The following FNDC3A variants were observed in gnomAD, a reference collection of about 807,000 sequenced individuals.
FNDC3A encodes the protein fibronectin type-III domain-containing protein 3A.
A neutral mutation model predicts 148.9 loss-of-function variants in FNDC3A; 32 were observed. That is an observed-to-expected ratio of 0.21 (90% CI 0.16 to 0.29). The LOEUF is 0.29. FNDC3A is among the 10% of genes least tolerant of loss of function. FNDC3A has a pLI of 1.00. For synonymous variants in FNDC3A, 472 were observed against 473.6 expected, an observed-to-expected ratio of 1.00 and a Z score of 0.04; for missense variants, 1,191 against 1,452.8, an observed-to-expected ratio of 0.82 and a Z score of 2.93.
In FNDC3A at chr13:49,202,532, A is replaced by T. The variant is rs138530721; in HGVS notation, c.3154+566A>T. 7.8e-3 allele frequency among the ~76,000 whole-genome samples: 1,192 copies of T among 152,322 alleles called. 19 individuals carry two copies. The highest frequency in any genetic ancestry group is 0.027 in the African/African-American group (1,130 of 41,572). ...TTTAGCTGAAAAGTCTATAAAGTTA[A>T]TTGCTCTGAAGACTAATCACAGAGA... On this transcript the variant is annotated intron_variant, in intron 24 of 25. Transcript: ENST00000492622.
At chr13:49,013,154 C>T (rs1006915793) in intron 2 of FNDC3A, among the ~76,000 whole-genome samples, 1 of 151,906 alleles carries the variant, frequency 6.6e-6, no homozygotes, top group African/African-American at 2.4e-5. Flanking sequence ...TTCATATATA[C>T]TAAAAATAAA....
chr13:49,183,301 T>C (rs59706083), intron 14 of FNDC3A, among the ~76,000 whole-genome samples: 1 of 152,198 alleles, frequency 6.6e-6, no homozygotes, highest in African/African-American at 2.4e-5. Flanking sequence ...TCCTAAACCA[T>C]TTTAGGCCTT....
intron 19 of FNDC3A, among the ~76,000 whole-genome samples, chr13:49,196,031 A>G (rs1476673737): frequency 7.1e-6 from 1 of 140,516 alleles, no homozygotes; most frequent in African/African-American, 2.7e-5. Flanking sequence ...CCATGTTTGC[A>G]CCACTGCACT....
intron 10 of FNDC3A, among the ~76,000 whole-genome samples, chr13:49,169,504 G>A (rs546690385): frequency 5.4e-4 from 82 of 152,172 alleles, no homozygotes; most frequent in African/African-American, 1.6e-3. Flanking sequence ...CATTCTGCAG[G>A]GCTATTAGCG....
chr13:49,167,231 C>CT lies in FNDC3A; in HGVS notation c.978-7dup, dbSNP rs1884517325. ...TATTTATCAGACATGATATATTACC[C>CT]TTTTTTCCCCAGAGGAGAAGAAACA... On this transcript the variant is annotated splice_polypyrimidine_tract_variant and intron_variant, in intron 8 of 25. Transcript: ENST00000492622. 17 of 1,566,494 alleles carry CT rather than the reference C, an allele frequency of 1.1e-5. No homozygotes were observed. The highest frequency in any genetic ancestry group is 1.5e-5 in the Non-Finnish European group (17 of 1,143,020).
chr13:48,985,856 G>A (rs1399217372), intron 1 of FNDC3A, among the ~76,000 whole-genome samples: 1 of 152,192 alleles, frequency 6.6e-6, no homozygotes, highest in Admixed American at 6.5e-5. Flanking sequence ...TCAAGTATAA[G>A]CAAGTACAGC....
At position 49,175,514 on chromosome 13, in the gene FNDC3A, C is replaced by A; in HGVS notation, c.1503C>A (p.Tyr501Ter). Residue 501 changes from tyrosine to a stop codon, truncating the protein, a stop_gained, in exon 13 of 26, where the codon TAC (tyrosine) becomes TAA (stop). Coordinates refer to ENST00000492622, the MANE Select transcript of FNDC3A (RefSeq NM_001079673.2). LOFTEE classifies it high-confidence loss of function. Reference protein sequence around the residue: ...SGTPSDEGISYILEMEEETSG... With the variant: ...SGTPSDEGIS ...CACCATCAGATGAAGGAATTTCTTA[C>A]ATTTTAGAGATGGAGGAAGAAACTT... The A allele has an allele frequency of 6.2e-7, 1 of 1,608,876 alleles. No homozygotes were observed. The highest frequency in any genetic ancestry group is 8.5e-7 in the Non-Finnish European group (1 of 1,177,700).
intron 14 of FNDC3A, 145 bp from the exon 15 acceptor site, chr13:49,185,819 A>G (rs888644271): frequency 6.5e-6 from 4 of 619,614 alleles, no homozygotes; most frequent in South Asian, 2.1e-5. Flanking sequence ...GAGACAAGCA[A>G]TTCTCAAAGA....
chr13:49,040,968 C>T (rs186405531), intron 2 of FNDC3A, among the ~76,000 whole-genome samples: 9 of 152,082 alleles, frequency 5.9e-5, no homozygotes, highest in African/African-American at 2.2e-4. Context: ...CTCTTCCCTC[C>T]GCTCATCATA....
rs1367241806 is a variant in FNDC3A at position 49,208,413 on chromosome 13, T to G, written c.*1018T>G. 6.6e-6 allele frequency: 1 copy of G among 152,654 alleles called. No individual in the cohort carries two copies. Among genetic ancestry groups the G allele is most frequent in the Admixed American group, 6.5e-5 (1 of 15,272 alleles). 9.5% of individuals were successfully genotyped at this position (152,654 alleles called of 1,614,324 possible). A position where few individuals can be genotyped will look rare whatever the true frequency, so the allele number is the denominator to read the frequency against. On this transcript the variant is annotated 3_prime_UTR_variant, in exon 26 of 26. Transcript: ENST00000492622. The stretch of plus-strand genomic sequence containing the variant: ...AATTCATAATCAAACCTAACCTTTT[T>G]GTTTGGGGCACCAAATCTGAAGACA...
chr13:49,088,551 C>T (rs1878966004), intron 3 of FNDC3A, among the ~76,000 whole-genome samples: 1 of 152,208 alleles, frequency 6.6e-6, no homozygotes, highest in Non-Finnish European at 1.5e-5. Context: ...ATTCTCACTT[C>T]TCATCATACT....
chr13:49,172,609 C>T (rs1215801176), intron 11 of FNDC3A, among the ~76,000 whole-genome samples: 1 of 152,142 alleles, frequency 6.6e-6, no homozygotes, highest in Non-Finnish European at 1.5e-5. Flanking sequence ...CGTTTTCTCC[C>T]CTTGTTTCCA....
intron 1 of FNDC3A, among the ~76,000 whole-genome samples, chr13:48,977,230 T>A (rs977726269): frequency 6.6e-6 from 1 of 152,246 alleles, no homozygotes; most frequent in Non-Finnish European, 1.5e-5. Flanking sequence ...TATGGGTTTT[T>A]AAAACCGAAC....
At chr13:49,192,728 A>G (rs548384056) in intron 19 of FNDC3A, among the ~76,000 whole-genome samples, 1 of 152,298 alleles carries the variant, frequency 6.6e-6, no homozygotes, top group African/African-American at 2.4e-5. Context: ...CTTACGTCTT[A>G]ATTTATATTT....
At chr13:49,099,433 A>G (rs1157849443) in intron 3 of FNDC3A, among the ~76,000 whole-genome samples, 10 of 152,148 alleles carry the variant, frequency 6.6e-5, no homozygotes. Context: ...TAGTGGCAGA[A>G]GTATTTGATG....
intron 23 of FNDC3A, among the ~76,000 whole-genome samples, chr13:49,199,720 C>T (rs1398466792): frequency 1.3e-5 from 2 of 152,198 alleles, no homozygotes; most frequent in African/African-American, 2.4e-5. Flanking sequence ...AGATTCCTGA[C>T]ACAGGGCCTG....
In FNDC3A at chr13:49,174,419, C is replaced by G. The variant is rs757779185; in HGVS notation, c.1231-16C>G. 9.4e-6 allele frequency: 15 copies of G among 1,601,304 alleles called. No individual in the cohort carries two copies. The highest frequency in any genetic ancestry group is 1.3e-5 in the Non-Finnish European group (15 of 1,169,176). ...AGTAATGTACATGGTATATAATAAT[C>G]AGCCATTTCTTGTAGGGAAAAGGAA... On this transcript the variant is annotated splice_polypyrimidine_tract_variant and intron_variant, in intron 11 of 25. Transcript: ENST00000492622.
chr13:49,006,854 C>G (rs965720222), intron 2 of FNDC3A, among the ~76,000 whole-genome samples: 3 of 151,992 alleles, frequency 2.0e-5, no homozygotes, highest in African/African-American at 7.2e-5. Context: ...AGGCAATGTG[C>G]TTCATTCTCA....
intron 1 of FNDC3A, among the ~76,000 whole-genome samples, chr13:48,979,641 A>C (rs981824693): frequency 7.2e-5 from 11 of 152,186 alleles, no homozygotes; most frequent in African/African-American, 2.2e-4. Flanking sequence ...TATCACTGAA[A>C]GAACTATACC....
Sources: gnomAD v4.1 joint callset for allele counts (sites outside exome capture counted in the v4.1 genomes callset) on GRCh38, gnomAD v4.1.1 for gene constraint, MANE v1.5 for transcripts, NCBI Gene and HGNC (gene_info 2026-07-23, HGNC 2026-07-21) for gene names.